KAZN: variants seen among roughly 807,000 people sequenced by gnomAD.
KAZN encodes kazrin.
KAZN carries 40 observed loss-of-function variants against 87.4 expected under a neutral mutation model. The ratio of observed to expected loss-of-function variants is 0.46; its 90% CI spans 0.36 to 0.60. The LOEUF is 0.60. KAZN is among the 20% of genes least tolerant of loss of function. The pLI is 0.00. For synonymous variants in KAZN, 466 were observed against 458.3 expected (o/e 1.02, Z -0.22); for missense variants, 898 against 1,073.9 (o/e 0.84, Z 2.29).
chr1:14,855,001 G>A (rs968310192), intron 1 of KAZN, among the ~76,000 whole-genome samples: 3 of 152,062 alleles, frequency 2.0e-5, no homozygotes, highest in Non-Finnish European at 4.4e-5. Flanking sequence ...CTGTGGAGGC[G>A]GGCTGGAAGG....
chr1:14,927,738 C>T (rs1292389693), intron 1 of KAZN, among the ~76,000 whole-genome samples: 1 of 152,232 alleles, frequency 6.6e-6, no homozygotes, highest in African/African-American at 2.4e-5. Context: ...CTCAGAAAGC[C>T]ACGTGGCCTT....
Position 14,642,264 on chromosome 1 carries a change from G to T in KAZN, c.226+43041G>T, listed in dbSNP as rs140171329. Among the ~76,000 whole-genome samples the T allele has an allele frequency of 7.1e-3, 1,083 of 152,304 alleles. 15 individuals are homozygous for T. The highest frequency in any genetic ancestry group is 0.024 in the African/African-American group (981 of 41,564). On this transcript the variant is annotated intron_variant, in intron 1 of 14. Transcript: ENST00000376030. Reference sequence around the variant, plus strand: ...AATACAAAAAAATTAGCCAGGCGTGGTGGCGCGTGCCTGTAGTCCCACCTA... The same window carrying T: ...AATACAAAAAAATTAGCCAGGCGTGTTGGCGCGTGCCTGTAGTCCCACCTA...
intron 13 of KAZN, among the ~76,000 whole-genome samples, chr1:15,109,231 G>A (rs182096702): frequency 5.3e-4 from 80 of 152,172 alleles, no homozygotes; most frequent in Admixed American, 1.5e-3. Context: ...CCAAAAATAC[G>A]AAAATTAGCT....
At chr1:14,781,327 A>T (rs1645343463) in intron 1 of KAZN, among the ~76,000 whole-genome samples, 1 of 152,230 alleles carries the variant, frequency 6.6e-6, no homozygotes, top group African/African-American at 2.4e-5. Flanking sequence ...GTCTGAAGAA[A>T]AAAAACAAAA....
chr1:14,750,477 G>C (rs1206327900), intron 1 of KAZN, among the ~76,000 whole-genome samples: 1 of 152,054 alleles, frequency 6.6e-6, no homozygotes, highest in African/African-American at 2.4e-5. Context: ...AGGAAAATAT[G>C]CCTAGGAGTG....
chr1:14,315,907 G>T (rs185878465), intron 2 of KAZN, among the ~76,000 whole-genome samples: 1 of 151,672 alleles, frequency 6.6e-6, no homozygotes, highest in Non-Finnish European at 1.5e-5. Flanking sequence ...ATATTTTGGG[G>T]GTATATAGTG....
At chr1:14,672,694 C>T (rs4661295) in intron 1 of KAZN, among the ~76,000 whole-genome samples, 58,845 of 152,056 alleles carry the variant, frequency 0.39, 12,797 homozygotes, top group East Asian at 0.51. Flanking sequence ...GAACCAGGTT[C>T]GGAGCAGCTA....
At chr1:14,623,471 G>T (rs1678872068) in intron 1 of KAZN, among the ~76,000 whole-genome samples, 1 of 152,210 alleles carries the variant, frequency 6.6e-6, no homozygotes. Flanking sequence ...CTACCTGAGG[G>T]TGGAGGATCG....
At chr1:14,924,309 GCGCGCCGTCGGAGCCCCT>G in intron 1 of KAZN, 1 of 985,572 alleles carries the variant, frequency 1.0e-6, no homozygotes, top group Non-Finnish European at 1.2e-6. Context: ...TGAGCCCGGC[GCGCGCCGTCGGAGCCCCT>G]CGCGCAGCCG....
chr1:14,995,920 G>T (rs1208032734), intron 2 of KAZN, among the ~76,000 whole-genome samples: 1 of 152,140 alleles, frequency 6.6e-6, no homozygotes, highest in Admixed American at 6.5e-5. Flanking sequence ...TTAAAAGTTG[G>T]AAACTTTTAC....
chr1:14,609,474 C>T (rs978144206), intron 1 of KAZN, among the ~76,000 whole-genome samples: 5 of 152,188 alleles, frequency 3.3e-5, no homozygotes, highest in Admixed American at 1.3e-4. Context: ...TGTTTAAACT[C>T]GGCTGATCAA....
At chr1:14,578,969 T>C (rs61771944) in intron 2 of KAZN, among the ~76,000 whole-genome samples, 25,897 of 152,100 alleles carry the variant, frequency 0.17, 2,459 homozygotes, top group East Asian at 0.27. Flanking sequence ...GTCCTTTTCT[T>C]TTCCCTATCC....
chr1:14,327,714 G>C (rs1310855493), intron 2 of KAZN, among the ~76,000 whole-genome samples: 1 of 152,174 alleles, frequency 6.6e-6, no homozygotes, highest in African/African-American at 2.4e-5. Flanking sequence ...ATGACCCTTT[G>C]CTGAAGCCAC....
intron 2 of KAZN, among the ~76,000 whole-genome samples, chr1:15,029,654 T>TG (rs964399570): frequency 1.5e-4 from 23 of 152,274 alleles, no homozygotes; most frequent in South Asian, 6.2e-4. Flanking sequence ...GTTGAGGTGC[T>TG]GGGGGGGTTC....
chr1:14,917,869 CCTTTCTTT>C (rs3034788), intron 1 of KAZN, among the ~76,000 whole-genome samples: 15 of 147,386 alleles, frequency 1.0e-4, no homozygotes, highest in African/African-American at 3.4e-4. Flanking sequence ...TTCCTTCCTT[CCTTTCTTT>C]CTTTCTTTCT....
intron 2 of KAZN, among the ~76,000 whole-genome samples, chr1:14,412,609 A>C (rs1254881917): frequency 6.6e-6 from 1 of 152,072 alleles, no homozygotes; most frequent in Non-Finnish European, 1.5e-5. Context: ...AAAATACATA[A>C]AAGAAGAGGA....
intron 1 of KAZN, among the ~76,000 whole-genome samples, chr1:13,913,795 C>T (rs1376071005): frequency 6.6e-6 from 1 of 152,168 alleles, no homozygotes; most frequent in African/African-American, 2.4e-5. Context: ...GGCTCTCAGC[C>T]CCGCCCCAGA....
At chr1:14,137,701 CTTTTTTTTTTTTT>C (rs35819477) in intron 1 of KAZN, among the ~76,000 whole-genome samples, 1 of 65,062 alleles carries the variant, frequency 1.5e-5, no homozygotes, top group East Asian at 5.6e-4. Context: ...AAATATAAGG[CTTTTTTTTTTTTT>C]TTTTTTTTTT....
At chr1:14,899,092 C>A (rs1572767210) in intron 1 of KAZN, among the ~76,000 whole-genome samples, 1 of 152,232 alleles carries the variant, frequency 6.6e-6, no homozygotes, top group African/African-American at 2.4e-5. Flanking sequence ...AGACTCAAGT[C>A]TACCACCTGT....
Sources: gnomAD v4.1 joint callset for allele counts (sites outside exome capture counted in the v4.1 genomes callset) on GRCh38, gnomAD v4.1.1 for gene constraint, MANE v1.5 for transcripts, NCBI Gene and HGNC (gene_info 2026-07-23, HGNC 2026-07-21) for gene names.